The following CHCT1 variants were observed in gnomAD, a reference collection of about 807,000 sequenced individuals.
CHCT1 encodes CHD1 helical C-terminal domain containing protein 1.
chr17:60,426,882 G>A, the CHCT1 span: 1 of 1,540,046 alleles, frequency 6.5e-7, no homozygotes, highest in Admixed American at 2.0e-5. Flanking sequence ...TAGACTTGCG[G>A]GGAGGCCTGG....
chr17:60,429,228 A>G, the CHCT1 span: 1 of 934,330 alleles, frequency 1.1e-6, no homozygotes, highest in South Asian at 1.7e-5. Flanking sequence ...TGTGATTCCT[A>G]CCCCATCCTT....
the CHCT1 span, among the ~76,000 whole-genome samples, chr17:60,430,222 C>T: frequency 1.4e-5 from 2 of 140,750 alleles, no homozygotes; most frequent in Admixed American, 1.6e-4. Context: ...TTCCCTATTG[C>T]TTCCTTTTGA....
chr17:60,430,381 C>T, the CHCT1 span, among the ~76,000 whole-genome samples: 5 of 152,196 alleles, frequency 3.3e-5, no homozygotes, highest in South Asian at 6.2e-4. Context: ...ATGGACCCAC[C>T]GGGAATGGGC....
At chr17:60,429,830 T>A in the CHCT1 span, among the ~76,000 whole-genome samples, 1 of 152,016 alleles carries the variant, frequency 6.6e-6, no homozygotes, top group Non-Finnish European at 1.5e-5. Flanking sequence ...TATTTTATTT[T>A]ATTTATTTTT....
chr17:60,429,085 C>T, the CHCT1 span, among the ~76,000 whole-genome samples: 1 of 151,960 alleles, frequency 6.6e-6, no homozygotes, highest in African/African-American at 2.4e-5. Flanking sequence ...CATATCATTT[C>T]ATTGCAAAAA....
chr17:60,427,589 T>G, the CHCT1 span, among the ~76,000 whole-genome samples: 1 of 152,112 alleles, frequency 6.6e-6, no homozygotes, highest in Admixed American at 6.5e-5. Context: ...AATTTTTGTA[T>G]TTTTAGTAGA....
chr17:60,425,292 C>T, the CHCT1 span, among the ~76,000 whole-genome samples: 1 of 152,130 alleles, frequency 6.6e-6, no homozygotes, highest in Non-Finnish European at 1.5e-5. Context: ...AGCAATCCTC[C>T]CACCTTGGCT....
At chr17:60,425,739 T>G in the CHCT1 span, 41 of 1,436,978 alleles carry the variant, frequency 2.9e-5, no homozygotes, top group Non-Finnish European at 3.7e-5. Flanking sequence ...CCCCCAGGAG[T>G]AACGGTCCAA....
chr17:60,427,981 G>A, the CHCT1 span, among the ~76,000 whole-genome samples: 14 of 152,088 alleles, frequency 9.2e-5, no homozygotes, highest in Non-Finnish European at 1.6e-4. Flanking sequence ...TTCATACTAG[G>A]TTTCATTAGA....
the CHCT1 span, chr17:60,431,069 A>G: frequency 2.9e-6 from 2 of 698,910 alleles, no homozygotes; most frequent in Non-Finnish European, 4.8e-6. Flanking sequence ...GAAGTAAGAT[A>G]GGATTTTGCT....
the CHCT1 span, among the ~76,000 whole-genome samples, chr17:60,429,195 C>T: frequency 2.0e-5 from 3 of 152,200 alleles, no homozygotes; most frequent in Non-Finnish European, 4.4e-5. Flanking sequence ...TCCATGTCCC[C>T]ACAGTCTTTT....
At chr17:60,422,398 A>T in the CHCT1 span, 1 of 1,383,974 alleles carries the variant, frequency 7.2e-7, no homozygotes, top group African/African-American at 1.4e-5. Context: ...GGCCAGCTGC[A>T]GCCACCCCTA....
chr17:60,427,325 C>T, the CHCT1 span, among the ~76,000 whole-genome samples: 7 of 152,068 alleles, frequency 4.6e-5, no homozygotes, highest in Non-Finnish European at 7.3e-5. Flanking sequence ...GGGAAGGGGT[C>T]GCAACTTCCA....
At chr17:60,431,108 C>G in the CHCT1 span, 3 of 1,039,056 alleles carry the variant, frequency 2.9e-6, no homozygotes, top group Non-Finnish European at 2.9e-6. Context: ...TACAACACCC[C>G]CCATGTATTA....
chr17:60,429,678 T>A, the CHCT1 span: 1 of 854,768 alleles, frequency 1.2e-6, no homozygotes, highest in Non-Finnish European at 1.7e-6. Context: ...GACAAGCTCC[T>A]CTTCCCTCCT....
chr17:60,425,681 A>G, the CHCT1 span: 4 of 808,872 alleles, frequency 4.9e-6, no homozygotes, highest in South Asian at 6.4e-5. Context: ...TCTGAGGGCA[A>G]TGGAGAAGGG....
the CHCT1 span, chr17:60,426,229 G>T: frequency 8.6e-5 from 134 of 1,551,774 alleles, no homozygotes; most frequent in Non-Finnish European, 1.1e-4. Flanking sequence ...ACCTTCCCCA[G>T]AAGAAGAAGC....
chr17:60,426,029 G>A, the CHCT1 span: 2 of 1,266,166 alleles, frequency 1.6e-6, no homozygotes, highest in Non-Finnish European at 2.2e-6. Context: ...AGGTGCACCA[G>A]AGCCACCTCC....
chr17:60,424,182 C>G, the CHCT1 span, among the ~76,000 whole-genome samples: 1 of 152,306 alleles, frequency 6.6e-6, no homozygotes, highest in East Asian at 1.9e-4. Context: ...ACCCCCATGA[C>G]CCAAACACCT....
Sources: allele counts gnomAD v4.1 joint callset (sites outside exome capture counted in the v4.1 genomes callset), GRCh38; gene constraint gnomAD v4.1.1; transcripts MANE v1.5; gene names NCBI Gene and HGNC (gene_info 2026-07-23, HGNC 2026-07-21).